The following JADE3 variants were observed in gnomAD, a reference collection of about 807,000 sequenced individuals.
JADE3 encodes protein Jade-3.
Under a neutral mutation model 50.1 loss-of-function variants are expected in JADE3, and 2 were observed. The observed-to-expected ratio is 0.04, with a 90% confidence interval of 0.02 to 0.13. The LOEUF is 0.13. JADE3 is among the 10% of genes least tolerant of loss of function. The probability of loss-of-function intolerance (pLI) is 1.00; values close to 1 mark genes in which losing one functional copy is unlikely to be tolerated. For synonymous variants in JADE3, 218 were observed against 232.9 expected (o/e 0.94, Z 0.58); for missense variants, 475 against 634.4 (o/e 0.75, Z 2.70).
intron 8 of JADE3, among the ~76,000 whole-genome samples, chrX:47,049,273 C>T (rs1317054049): frequency 1.0e-5 from 1 of 99,933 alleles, no homozygotes; most frequent in Non-Finnish European, 2.0e-5. Flanking sequence ...CTGCAACCTC[C>T]ACCTCCCAGG....
At chrX:47,054,671 G>A in intron 9 of JADE3, 43 bp downstream of exon 9, 2 of 856,022 alleles carry the variant, frequency 2.3e-6, no homozygotes, top group South Asian at 5.0e-5. Context: ...CTCGGTCTGT[G>A]TAGAAATGGA....
intron 1 of JADE3, among the ~76,000 whole-genome samples, chrX:46,921,974 G>A (rs1318577274): frequency 9.5e-6 from 1 of 105,054 alleles, no homozygotes; most frequent in East Asian, 3.0e-4. Context: ...GAATGTGCAG[G>A]TCTGCCACAT....
chrX:47,041,224 A>G (rs1556369555), intron 8 of JADE3, among the ~76,000 whole-genome samples: 1 of 111,880 alleles, frequency 8.9e-6, no homozygotes, highest in Non-Finnish European at 1.9e-5. Context: ...TGGTTTATCA[A>G]ATAAATACAT....
At chrX:47,045,178 AG>A (rs1484806505) in intron 8 of JADE3, among the ~76,000 whole-genome samples, 4 of 112,133 alleles carry the variant, frequency 3.6e-5, no homozygotes, top group African/African-American at 1.3e-4. Flanking sequence ...TGTTGCTTAC[AG>A]GAAACATGCT....
intron 3 of JADE3, among the ~76,000 whole-genome samples, chrX:46,991,864 G>A (rs1434401702): frequency 1.8e-5 from 2 of 111,296 alleles, no homozygotes; most frequent in African/African-American, 6.5e-5. Flanking sequence ...CTTTAGCGTA[G>A]TAGAGGGTAT....
intron 5 of JADE3, 90 bp downstream of exon 5, chrX:47,025,004 G>A (rs1928878591): frequency 2.3e-6 from 1 of 430,172 alleles, no homozygotes; most frequent in Non-Finnish European, 3.9e-6. Context: ...TATTTTTGTT[G>A]CCTCCTTTCT....
chrX:47,028,544 C>T (rs782215915), intron 6 of JADE3, among the ~76,000 whole-genome samples: 2 of 110,457 alleles, frequency 1.8e-5, no homozygotes, highest in Non-Finnish European at 3.8e-5. Flanking sequence ...AACCCTCCCC[C>T]ATCCCCTAAA....
chrX:46,987,394 A>G (rs781862725), intron 3 of JADE3, among the ~76,000 whole-genome samples: 2 of 112,080 alleles, frequency 1.8e-5, no homozygotes, highest in East Asian at 5.6e-4. Flanking sequence ...GACCTAATCA[A>G]AGGAATGACA....
At chrX:47,052,327 G>T (rs1464447747) in intron 8 of JADE3, among the ~76,000 whole-genome samples, 1 of 108,510 alleles carries the variant, frequency 9.2e-6, no homozygotes, top group Non-Finnish European at 1.9e-5. Flanking sequence ...TAACCATATT[G>T]TTCAATAGAA....
At chrX:47,002,129 G>C (rs1556359208) in intron 4 of JADE3, among the ~76,000 whole-genome samples, 1 of 110,166 alleles carries the variant, frequency 9.1e-6, no homozygotes, top group Non-Finnish European at 1.9e-5. Context: ...TCAATTTATT[G>C]ATTTTTTTTT....
In JADE3 at chrX:47,036,674, G is replaced by T. The variant is rs1424604942; in HGVS notation, c.856-2275G>T. On this transcript the variant is annotated intron_variant, in intron 7 of 10. Coordinates refer to ENST00000614628, the MANE Select transcript of JADE3 (RefSeq NM_014735.5). ...CACATGCACACGTATGTTTATTGCG[G>T]CATTATTCACAATAGCAAAGACTTG... Among the ~76,000 whole-genome samples the T allele has an allele frequency of 1.2e-4, 11 of 90,942 alleles. No individual in the cohort carries two copies. The East Asian group carries it at 2.0e-3, about 17-fold the overall frequency. 79.0% of individuals were successfully genotyped at this position (90,942 alleles called of 115,157 possible).
At chrX:47,057,310 G>A (rs782354552) in intron 10 of JADE3, among the ~76,000 whole-genome samples, 19 of 111,640 alleles carry the variant, frequency 1.7e-4, no homozygotes, top group Non-Finnish European at 3.4e-4. Context: ...TCATTTTTGT[G>A]AGGGTACAGT....
chrX:47,057,782 C>T (rs1357464117), intron 10 of JADE3, among the ~76,000 whole-genome samples: 2 of 111,907 alleles, frequency 1.8e-5, no homozygotes, highest in Non-Finnish European at 3.8e-5. Flanking sequence ...ATACTAAGTG[C>T]TGTGCCATAC....
intron 3 of JADE3, among the ~76,000 whole-genome samples, chrX:46,997,531 T>C (rs965891493): frequency 4.5e-5 from 5 of 110,829 alleles, no homozygotes; most frequent in African/African-American, 1.6e-4. Flanking sequence ...AAAATAAAAT[T>C]AAATTCTGGA....
At chrX:47,042,722 C>A (rs782207796) in intron 8 of JADE3, among the ~76,000 whole-genome samples, 8 of 111,475 alleles carry the variant, frequency 7.2e-5, no homozygotes, top group Non-Finnish European at 1.5e-4. Flanking sequence ...GTTCTTGACT[C>A]CAGGCCTTGG....
chrX:47,017,717 A>G (rs1569537591), intron 4 of JADE3, among the ~76,000 whole-genome samples: 1 of 112,174 alleles, frequency 8.9e-6, no homozygotes, highest in Non-Finnish European at 1.9e-5. Flanking sequence ...TAAAACTGAA[A>G]GAGGAAATGA....
intron 6 of JADE3, among the ~76,000 whole-genome samples, chrX:47,031,114 G>A (rs1264553635): frequency 9.0e-6 from 1 of 110,884 alleles, no homozygotes; most frequent in Non-Finnish European, 1.9e-5. Context: ...ATGATCTTAT[G>A]ACTGTGAGTA....
At chrX:47,004,171 C>T (rs1167069730) in intron 4 of JADE3, among the ~76,000 whole-genome samples, 4 of 110,838 alleles carry the variant, frequency 3.6e-5, no homozygotes, top group African/African-American at 1.3e-4. Context: ...AGCAGCCCTC[C>T]AGCATTGGCC....
rs1925987620 is a variant in JADE3 at position 46,912,654 on chromosome X, C to G, written c.-77C>G. On this transcript the variant is annotated 5_prime_UTR_variant, in exon 1 of 11. Transcript: ENST00000614628. ...GGGGGCGGTTACCACTCCGACCGGA[C>G]TCACCCGGCACATTGCCGGGCCGCG... 9.0e-6 allele frequency: 1 copy of G among 111,156 alleles called. No individual in the cohort carries two copies. Among genetic ancestry groups the G allele is most frequent in the Non-Finnish European group, 1.9e-5 (1 of 52,482 alleles). 9.2% of individuals were successfully genotyped at this position (111,156 alleles called of 1,213,427 possible).
Sources: gnomAD v4.1 joint callset for allele counts (sites outside exome capture counted in the v4.1 genomes callset) on GRCh38, gnomAD v4.1.1 for gene constraint, MANE v1.5 for transcripts, NCBI Gene and HGNC (gene_info 2026-07-23, HGNC 2026-07-21) for gene names.